GAPDH: variants seen among roughly 807,000 people sequenced by gnomAD.
GAPDH encodes OCAS, p38 component.
A neutral mutation model predicts 31.2 loss-of-function variants in GAPDH; 13 were observed. That is an observed-to-expected ratio of 0.42 (90% CI 0.27 to 0.66). GAPDH has a LOEUF of 0.66. Among genes scored for constraint, GAPDH ranks in the 30% least tolerant of loss-of-function variants. The probability of loss-of-function intolerance (pLI) is 0.26; values close to 1 mark genes in which losing one functional copy is unlikely to be tolerated. For synonymous variants in GAPDH, 211 were observed against 166.9 expected, an observed-to-expected ratio of 1.26 and a Z score of -2.04; for missense variants, 300 against 443.7, an observed-to-expected ratio of 0.68 and a Z score of 2.91.
chr12:6,537,913 C>T lies in GAPDH; in HGVS notation c.855C>T (p.Asp285=), dbSNP rs1216626170. Reference sequence around the variant, plus strand: ...CTGAGCACCAGGTGGTCTCCTCTGACTTCAACAGCGACACCCACTCCTCCA... The same window carrying T: ...CTGAGCACCAGGTGGTCTCCTCTGATTTCAACAGCGACACCCACTCCTCCA... ...GYTEHQVVSS[D]FNSDTHSSTF... is the part of the protein sequence containing the mutation. The change falls in exon 8 of 9, where the codon GAC becomes GAT. Residue 285 remains aspartate (D), a synonymous_variant. Transcript: ENST00000229239. The surrounding 1 kb of genome is among the most constrained non-coding windows in gnomAD (Gnocchi z 4.9). The T allele has an allele frequency of 4.3e-6, 7 of 1,614,124 alleles. No individual in the cohort carries two copies. Among genetic ancestry groups the T allele is most frequent in the Non-Finnish European group, 5.1e-6 (6 of 1,180,050 alleles).
chr12:6,534,900 C>T (rs1435561952), intron 2 of GAPDH, 39 bp downstream of exon 2: 1 of 1,605,558 alleles, frequency 6.2e-7, no homozygotes, highest in Admixed American at 1.7e-5. Flanking sequence ...GGGCTGCGAC[C>T]GCCCCCGAAC....
At chr12:6,535,274 T>TG (rs1263640943) in intron 2 of GAPDH, 7 of 1,018,418 alleles carry the variant, frequency 6.9e-6, no homozygotes, top group Non-Finnish European at 8.2e-6. Flanking sequence ...GTCCGGATGC[T>TG]GCGCCTGCGG....
rs2136065838 is a variant in GAPDH, at chr12:6,534,564, C to T, written c.-29C>T. The T allele has an allele frequency of 3.8e-6, 2 of 529,900 alleles. No individual in the cohort carries two copies. Among genetic ancestry groups the T allele is most frequent in the Non-Finnish European group, 3.3e-6 (1 of 298,542 alleles). The allele number at this position is 529,900 out of a possible 1,614,324, so 32.8% of individuals were successfully genotyped here. On this transcript the variant is annotated 5_prime_UTR_variant, in exon 1 of 9. Coordinates refer to ENST00000229239, the MANE Select transcript of GAPDH (RefSeq NM_002046.7). ...CAGTCAGCCGCATCTTCTTTTGCGT[C>T]GCCAGGTGAAGACGGGCGGAGAGAA...
chr12:6,535,133 C>T (rs904619694), intron 2 of GAPDH: 3 of 947,296 alleles, frequency 3.2e-6, no homozygotes, highest in Non-Finnish European at 4.3e-6. Context: ...AGATCCCGAC[C>T]CGGACCCCTA....
At position 6,538,345 on chromosome 12, in the gene GAPDH, A is replaced by G. The variant is rs1185678018; in HGVS notation, c.*175A>G. The G allele has an allele frequency of 3.3e-6, 2 of 610,546 alleles. No homozygotes were observed. The highest frequency in any genetic ancestry group is 1.8e-5 in the African/African-American group (1 of 54,090). 37.8% of individuals were successfully genotyped at this position (610,546 alleles called of 1,614,324 possible). On this transcript the variant is annotated 3_prime_UTR_variant, in exon 9 of 9. Coordinates refer to ENST00000229239, the MANE Select transcript of GAPDH (RefSeq NM_002046.7). ...AGGGAGCCGCACCTTGTCATGTACC[A>G]TCAATAAAGTACCCTGTGCTCAACC...
At position 6,538,224 on chromosome 12, in the gene GAPDH, A is replaced by G. The variant is rs1592190550; in HGVS notation, c.*54A>G. 7.0e-7 allele frequency: 1 copy of G among 1,425,622 alleles called. No individual in the cohort carries two copies. The highest frequency in any genetic ancestry group is 1.4e-5 in the African/African-American group (1 of 71,172). The allele number at this position is 1,425,622 out of a possible 1,614,324, so 88.3% of individuals were successfully genotyped here. On this transcript the variant is annotated 3_prime_UTR_variant, in exon 9 of 9. Coordinates refer to ENST00000229239, the MANE Select transcript of GAPDH (RefSeq NM_002046.7). Reference sequence around the variant, plus strand: ...GCACAAGAGGAAGAGAGAGACCCTCACTGCTGGGGAGTCCCTGCCACACTC... The same window carrying G: ...GCACAAGAGGAAGAGAGAGACCCTCGCTGCTGGGGAGTCCCTGCCACACTC...
At chr12:6,535,573 T>A in intron 2 of GAPDH, 1 of 487,648 alleles carries the variant, frequency 2.1e-6, no homozygotes, top group Non-Finnish European at 2.7e-6. Flanking sequence ...GAGTCATGGG[T>A]AGTTGGAAAA....
At chr12:6,534,773 G>A (rs1236237710) in intron 1 of GAPDH, 37 bp from the exon 2 acceptor site, 3 of 1,583,430 alleles carry the variant, frequency 1.9e-6, no homozygotes, top group Admixed American at 3.3e-5. Context: ...TGTCGGCCGG[G>A]GCCACTAGGC....
At position 6,537,245 on chromosome 12, in the gene GAPDH, G is replaced by A. The variant is rs762430400; in HGVS notation, c.443+29G>A. The A allele has an allele frequency of 3.9e-5, 62 of 1,597,262 alleles. No homozygotes were observed. Among genetic ancestry groups the A allele is most frequent in the South Asian group, 4.6e-5 (4 of 86,728 alleles). On this transcript the variant is annotated intron_variant, in intron 6 of 8. Transcript: ENST00000229239. The surrounding 1 kb of genome is among the most constrained non-coding windows in gnomAD (Gnocchi z 4.9). ...AGGAAGGCAGGGCCCGTGGAGAAGC[G>A]GCCAGCCTGGCACCCTATGGACACG...
At chr12:6,535,486 G>C (rs1258175995) in intron 2 of GAPDH, 1 of 976,228 alleles carries the variant, frequency 1.0e-6, no homozygotes, top group East Asian at 1.1e-4. Context: ...CAAAGAAGTG[G>C]GTTTATGGAG....
In GAPDH at chr12:6,537,103, T is replaced by C. The variant is rs11549350; in HGVS notation, c.330T>C (p.Ala110=). 1 of 1,613,406 alleles carries C rather than the reference T, an allele frequency of 6.2e-7. No individual in the cohort carries two copies. Among genetic ancestry groups the C allele is most frequent in the African/African-American group, 1.3e-5 (1 of 74,856 alleles). The change falls in exon 6 of 9, where the codon GCT becomes GCC. Residue 110 remains alanine, a splice_region_variant and synonymous_variant. Transcript: ENST00000229239. The surrounding 1 kb of genome is among the most constrained non-coding windows in gnomAD (Gnocchi z 4.9). ...AACTGTCTGCTTCTCTGCTGTAGGC[T>C]CATTTGCAGGGGGGAGCCAAAAGGG... ...GVFTTMEKAG[A]HLQGGAKRVI...
In GAPDH at chr12:6,536,902, T is replaced by TC. The variant is rs761702708; in HGVS notation, c.237-11dup. On this transcript the variant is annotated splice_polypyrimidine_tract_variant and intron_variant, in intron 4 of 8. Coordinates refer to ENST00000229239, the MANE Select transcript of GAPDH (RefSeq NM_002046.7). The stretch of plus-strand genomic sequence containing the variant: ...CCCTCAATATGGTCCTGTCCCCATC[T>TC]CCCCCCCACCCCCATAGGCGAGATC... The TC allele has an allele frequency of 4.6e-5, 69 of 1,506,590 alleles. No individual in the cohort carries two copies. Among genetic ancestry groups the TC allele is most frequent in the East Asian group, 2.3e-4 (10 of 44,266 alleles). 93.3% of individuals were successfully genotyped at this position (1,506,590 alleles called of 1,614,324 possible). A position where few individuals can be genotyped will look rare whatever the true frequency, so the allele number is the denominator to read the frequency against.
intron 3 of GAPDH, 36 bp from the exon 4 acceptor site, chr12:6,536,648 T>C: frequency 6.2e-7 from 1 of 1,601,008 alleles, no homozygotes; most frequent in South Asian, 1.1e-5. Flanking sequence ...ACCTGGCTGA[T>C]GGGCAGCCCC....
At position 6,537,809 on chromosome 12, in the gene GAPDH, A is replaced by G; in HGVS notation, c.751A>G (p.Lys251Glu). ...SVVDLTCRLE[K>E]PAKYDDIKKV... ...GGTGGACCTGACCTGCCGTCTAGAA[A>G]AACCTGCCAAATATGATGACATCAA... is the stretch of plus-strand genomic sequence containing the variant. The change falls in exon 8 of 9, where the codon AAA becomes GAA. Residue 251 changes from lysine (K) to glutamate (E), a missense_variant. Physicochemically the swap from Lys to Glu is moderately conservative, Grantham distance 56 (BLOSUM62 1). Transcript: ENST00000229239. This position sits in a 1 kb window ranked among gnomAD's most constrained non-coding sequence, Gnocchi z 4.9. The G allele has an allele frequency of 6.2e-7, 1 of 1,611,936 alleles. No individual in the cohort carries two copies. Among genetic ancestry groups the G allele is most frequent in the Non-Finnish European group, 8.5e-7 (1 of 1,179,876 alleles).
rs763539313 is a variant in GAPDH at position 6,537,702 on chromosome 12, A to G, written c.644A>G (p.Lys215Arg). The stretch of plus-strand genomic sequence containing the variant: ...ATCCCTGCCTCTACTGGCGCTGCCA[A>G]GGCTGTGGGCAAGGTCATCCCTGAG... ...NIIPASTGAA[K>R]AVGKVIPELN... The change falls in exon 8 of 9, where the codon AAG becomes AGG. Residue 215 changes from lysine (K) to arginine (R), a missense_variant. Physicochemically the swap from Lys to Arg is conservative, Grantham distance 26. Coordinates refer to ENST00000229239, the MANE Select transcript of GAPDH (RefSeq NM_002046.7). The surrounding 1 kb of genome is among the most constrained non-coding windows in gnomAD (Gnocchi z 4.9). 14 of 1,611,534 alleles carry G rather than the reference A, an allele frequency of 8.7e-6. No individual in the cohort carries two copies. The Admixed American group carries it at 1.7e-4, about 19-fold the overall frequency.
At chr12:6,535,028 C>T (rs907967079) in intron 2 of GAPDH, 167 bp downstream of exon 2, 3 of 852,506 alleles carry the variant, frequency 3.5e-6, no homozygotes, top group Non-Finnish European at 5.4e-6. Flanking sequence ...CGCACCCAGG[C>T]TGTGGCGCCC....
chr12:6,537,712 C>T lies in GAPDH; in HGVS notation c.654C>T (p.Gly218=), dbSNP rs766757138. The change falls in exon 8 of 9, where the codon GGC becomes GGT. Residue 218 remains glycine (G), a synonymous_variant. Coordinates refer to ENST00000229239, the MANE Select transcript of GAPDH (RefSeq NM_002046.7). This position sits in a 1 kb window ranked among gnomAD's most constrained non-coding sequence, Gnocchi z 4.9. The part of the protein sequence containing the change: ...PASTGAAKAV[G]KVIPELNGKL... ...CTACTGGCGCTGCCAAGGCTGTGGG[C>T]AAGGTCATCCCTGAGCTGAACGGGA... The T allele has an allele frequency of 1.5e-5, 24 of 1,611,676 alleles. No individual in the cohort carries two copies. Among genetic ancestry groups the T allele is most frequent in the Admixed American group, 3.3e-5 (2 of 60,022 alleles).
Position 6,537,293 on chromosome 12 carries a change from C to T in GAPDH, c.444-16C>T, listed in dbSNP as rs1391250695. On this transcript the variant is annotated splice_polypyrimidine_tract_variant and intron_variant, in intron 6 of 8. Coordinates refer to ENST00000229239, the MANE Select transcript of GAPDH (RefSeq NM_002046.7). The surrounding 1 kb of genome is among the most constrained non-coding windows in gnomAD (Gnocchi z 4.9). ...ACGCTCCCCTGACTTGCGCCCCGCT[C>T]CCTCTTTCTTTGCAGCAATGCCTCC... The T allele has an allele frequency of 3.1e-6, 5 of 1,600,558 alleles. No homozygotes were observed. Among genetic ancestry groups the T allele is most frequent in the East Asian group, 2.3e-5 (1 of 43,664 alleles).
At chr12:6,534,778 C>T (rs1438699650) in intron 1 of GAPDH, 32 bp from the exon 2 acceptor site, 57 of 1,597,922 alleles carry the variant, frequency 3.6e-5, no homozygotes, top group Non-Finnish European at 4.8e-5. Context: ...GCCGGGGCCA[C>T]TAGGCGCTCA....
Sources: allele counts gnomAD v4.1 joint callset, GRCh38; gene constraint gnomAD v4.1.1; non-coding constraint Gnocchi (gnomAD v3.1); transcripts MANE v1.5; gene names NCBI Gene and HGNC (gene_info 2026-07-23, HGNC 2026-07-21).